Variants in PNPLA1 observed in about 807,000 individuals in gnomAD.
PNPLA1 encodes omega-hydroxyceramide transacylase.
Under a neutral mutation model 51.7 loss-of-function variants are expected in PNPLA1, and 36 were observed. That is an observed-to-expected ratio of 0.70 (90% confidence interval 0.53 to 0.92). PNPLA1 has a LOEUF of 0.92. Among genes scored for constraint, PNPLA1 ranks in the 40% least tolerant of loss-of-function variants. PNPLA1 has a pLI of 0.00. For missense variants in PNPLA1, 658 were observed against 682.5 expected (o/e 0.96, Z 0.40); for synonymous variants, 293 against 280.1 (o/e 1.05, Z -0.46).
At chr6:36,276,015 G>A (rs959662268) in intron 1 of PNPLA1, among the ~76,000 whole-genome samples, 1 of 143,858 alleles carries the variant, frequency 7.0e-6, no homozygotes, top group Non-Finnish European at 1.5e-5. Context: ...CTGACATGCA[G>A]TGGTGTGATC....
At chr6:36,266,864 G>A (rs896382732), upstream of PNPLA1, among the ~76,000 whole-genome samples, 5 of 152,190 alleles carry the variant, frequency 3.3e-5, no homozygotes, top group East Asian at 1.9e-4. Context: ...CTACTCTACC[G>A]AATCAAGAAA....
intron 1 of PNPLA1, among the ~76,000 whole-genome samples, chr6:36,287,401 G>A (rs1215753323): frequency 3.9e-5 from 6 of 152,104 alleles, no homozygotes. Context: ...GCTGAGGGGT[G>A]GGAGCAGTCA....
rs560600961 is a variant in PNPLA1 at position 36,294,198 on chromosome 6, C to T, written c.513C>T (p.Ile171=). 2.2e-5 allele frequency: 36 copies of T among 1,614,112 alleles called. No homozygotes were observed. The highest frequency in any genetic ancestry group is 2.2e-4 in the East Asian group (10 of 44,884). The change falls in exon 4 of 9, where the codon ATC becomes ATT. Residue 171 remains isoleucine, a synonymous_variant. Transcript: ENST00000636260. This position sits in a 1 kb window ranked among gnomAD's most constrained non-coding sequence, Gnocchi z 4.2. ...TCACTCTGCCCCCACAGAGGTACAT[C>T]GATGGGGGCTTCACGGGCATGCAGC... The part of the protein sequence containing the change: ...IPPTYRGVRY[I]DGGFTGMQPC...
At chr6:36,249,510 G>T (rs1156586452) in intron 1 of PNPLA1, among the ~76,000 whole-genome samples, 4 of 152,198 alleles carry the variant, frequency 2.6e-5, no homozygotes, top group Non-Finnish European at 5.9e-5. Flanking sequence ...TGCCCAGTGT[G>T]GCAGAAAATA....
At chr6:36,276,636 T>C (rs1770106890) in intron 1 of PNPLA1, among the ~76,000 whole-genome samples, 1 of 152,156 alleles carries the variant, frequency 6.6e-6, no homozygotes, top group Non-Finnish European at 1.5e-5. Flanking sequence ...TATGGAAGAA[T>C]AGTGATTTGG....
chr6:36,303,808 G>C (rs546889281), intron 6 of PNPLA1, among the ~76,000 whole-genome samples: 1 of 152,182 alleles, frequency 6.6e-6, no homozygotes, highest in East Asian at 1.9e-4. Flanking sequence ...CTCCAGCCTG[G>C]GCAACAAGAG....
chr6:36,270,784 G>A, intron 1 of PNPLA1, 120 bp downstream of exon 1: 2 of 1,209,096 alleles, frequency 1.7e-6, no homozygotes, highest in Non-Finnish European at 2.3e-6. Context: ...TGGCAGGAAG[G>A]GAAGGGAAGA....
intron 1 of PNPLA1, among the ~76,000 whole-genome samples, chr6:36,255,887 T>A (rs1769522274): frequency 2.0e-5 from 3 of 152,166 alleles, no homozygotes; most frequent in Admixed American, 2.0e-4. Flanking sequence ...CACTGAGGGG[T>A]CTTGCTGAAA....
intron 6 of PNPLA1, among the ~76,000 whole-genome samples, chr6:36,305,193 A>AT (rs1174348983): frequency 3.3e-5 from 5 of 151,880 alleles, no homozygotes; most frequent in Admixed American, 1.3e-4. Context: ...TTTTTTTTGG[A>AT]TTTTTTTTCA....
At chr6:36,286,956 G>A (rs932008918) in intron 1 of PNPLA1, among the ~76,000 whole-genome samples, 2 of 152,074 alleles carry the variant, frequency 1.3e-5, no homozygotes, top group South Asian at 4.1e-4. Flanking sequence ...AATGTGCTGG[G>A]ATTACAGGCA....
chr6:36,300,192 A>AGAGAGAGAGAGAGAGAGAGG (rs1770991947), intron 5 of PNPLA1, among the ~76,000 whole-genome samples: 2 of 117,486 alleles, frequency 1.7e-5, no homozygotes, highest in Non-Finnish European at 4.0e-5. Context: ...AGAGAGAGAG[A>AGAGAGAGAGAGAGAGAGAGG]GAGAGAGAGA....
chr6:36,258,103 G>A (rs1769568783), intron 1 of PNPLA1, among the ~76,000 whole-genome samples: 1 of 152,164 alleles, frequency 6.6e-6, no homozygotes, highest in Non-Finnish European at 1.5e-5. Context: ...TGGATTACAG[G>A]TGTGAGCCAC....
intron 6 of PNPLA1, 44 bp from the exon 7 acceptor site, chr6:36,306,248 C>T (rs1204514630): frequency 1.4e-6 from 2 of 1,447,132 alleles, no homozygotes; most frequent in South Asian, 1.2e-5. Flanking sequence ...ACTCCATATC[C>T]CCCCTCCCCA....
At chr6:36,257,486 G>A (rs1769556195) in intron 1 of PNPLA1, among the ~76,000 whole-genome samples, 1 of 152,162 alleles carries the variant, frequency 6.6e-6, no homozygotes, top group South Asian at 2.1e-4. Flanking sequence ...ACCAGAAGTT[G>A]ACTGTGGCAA....
chr6:36,306,972 C>T (rs536047394), intron 7 of PNPLA1, among the ~76,000 whole-genome samples: 1 of 152,304 alleles, frequency 6.6e-6, no homozygotes, highest in South Asian at 2.1e-4. Flanking sequence ...TCCCTGAGGA[C>T]CACATTACCC....
At chr6:36,260,173 CCTAGCTA>C (rs1769616436) in intron 1 of PNPLA1, among the ~76,000 whole-genome samples, 2 of 151,976 alleles carry the variant, frequency 1.3e-5, no homozygotes, top group East Asian at 3.9e-4. Flanking sequence ...TGCCTGTAGT[CCTAGCTA>C]CTAGGAGGCT....
Position 36,247,003 on chromosome 6 carries a change from C to T in PNPLA1, c.-81+3742C>T, listed in dbSNP as rs184670559. Among the ~76,000 whole-genome samples the T allele has an allele frequency of 8.9e-3, 1,362 of 152,320 alleles. 8 individuals carry two copies. The highest frequency in any genetic ancestry group is 0.017 in the South Asian group (82 of 4,826). ...TTTTAGGATTTTAGCTCCCATCTCG[C>T]GTCCTCTCTCCAGCTCCTCCTGCCC... On this transcript the variant is annotated intron_variant, in intron 1 of 7. Coordinates refer to the PNPLA1 transcript ENST00000312917.
intron 5 of PNPLA1, among the ~76,000 whole-genome samples, chr6:36,299,336 T>TTTG (rs778526115): frequency 0.012 from 1,420 of 122,448 alleles, 50 homozygotes; most frequent in East Asian, 0.031. Flanking sequence ...TTTTTGTCTG[T>TTTG]TTTTTTTTTT....
Position 36,273,728 on chromosome 6 carries a change from C to CAAAAAAAAAA in PNPLA1, c.205+3079_205+3088dup, listed in dbSNP as rs57186870. On this transcript the variant is annotated intron_variant, in intron 1 of 8. Transcript: ENST00000636260. ...TGGATAGTACAGGAAGACCCCATCG[C>CAAAAAAAAAA]AAAAAAAAAAAAAAAAAAAAAAAAG... Among the ~76,000 whole-genome samples, 310 of 48,210 alleles carry CAAAAAAAAAA rather than the reference C, an allele frequency of 6.4e-3. 8 individuals carry two copies. Among genetic ancestry groups the CAAAAAAAAAA allele is most frequent in the African/African-American group, 8.8e-3 (93 of 10,524 alleles). 31.6% of individuals were successfully genotyped at this position (48,210 alleles called of 152,430 possible).
Sources: allele counts gnomAD v4.1 joint callset (sites outside exome capture counted in the v4.1 genomes callset), GRCh38; gene constraint gnomAD v4.1.1; non-coding constraint Gnocchi (gnomAD v3.1); transcripts MANE v1.5; gene names NCBI Gene and HGNC (gene_info 2026-07-23, HGNC 2026-07-21).